ZMYND8: variants seen among roughly 807,000 people sequenced by gnomAD.
The protein encoded by ZMYND8 is MYND-type zinc finger-containing chromatin reader ZMYND8.
Under a neutral mutation model 140.8 loss-of-function variants are expected in ZMYND8, and 37 were observed. That is an observed-to-expected ratio of 0.26 (90% confidence interval 0.20 to 0.35). The LOEUF (loss-of-function observed/expected upper bound fraction) is 0.35. Ranked by LOEUF, ZMYND8 falls within the 10% of genes least tolerant of loss-of-function variation. The pLI is 1.00. For synonymous variants in ZMYND8, 592 were observed against 597.1 expected (o/e 0.99, Z 0.12); for missense variants, 1,068 against 1,570.0 (o/e 0.68, Z 5.40).
In ZMYND8 at chr20:47,298,669, G is replaced by C. The variant is rs2077804902; in HGVS notation, c.453+60C>G. 6.5e-7 allele frequency: 1 copy of C among 1,548,824 alleles called. No individual in the cohort carries two copies. Among genetic ancestry groups the C allele is most frequent in the Admixed American group, 2.0e-5 (1 of 50,684 alleles). The stretch of plus-strand genomic sequence containing the variant: ...ATTATTTGTAAATTTAAAAATAAAA[G>C]GAAGAAAGAGAAAGGAGAGGAAACG... On this transcript the variant is annotated intron_variant, in intron 4 of 22. Coordinates refer to ENST00000471951, the MANE Select transcript of ZMYND8 (RefSeq NM_001281775.3). This position sits in a 1 kb window ranked among gnomAD's most constrained non-coding sequence, Gnocchi z 5.0.
At chr20:47,278,349 A>C (rs1277101389) in intron 10 of ZMYND8, among the ~76,000 whole-genome samples, 28 of 152,216 alleles carry the variant, frequency 1.8e-4, no homozygotes, top group Admixed American at 1.8e-3. Flanking sequence ...TGGGGAGCAA[A>C]GGGGACTTTG....
chr20:47,318,531 T>G (rs1481635759), intron 2 of ZMYND8: 2 of 357,306 alleles, frequency 5.6e-6, no homozygotes, highest in Admixed American at 7.7e-5. Context: ...GGAGCAAAGG[T>G]TGGGGGTGGG....
chr20:47,355,285 TCAAA>T (rs1264920228), intron 1 of ZMYND8, among the ~76,000 whole-genome samples: 1 of 152,192 alleles, frequency 6.6e-6, no homozygotes, highest in African/African-American at 2.4e-5. Flanking sequence ...AACAGTGGAT[TCAAA>T]CAGTCACCTA....
At chr20:47,323,949 C>T (rs901837643) in intron 2 of ZMYND8, among the ~76,000 whole-genome samples, 3 of 152,128 alleles carry the variant, frequency 2.0e-5, no homozygotes, top group Admixed American at 2.0e-4. Context: ...GCCTGTAATC[C>T]CAGCACTTTG....
At chr20:47,313,419 G>C (rs6012154) in intron 2 of ZMYND8, among the ~76,000 whole-genome samples, 34 of 150,966 alleles carry the variant, frequency 2.3e-4, no homozygotes, top group African/African-American at 6.8e-4. Context: ...TCAGGAGATC[G>C]AGACCATCCT....
At chr20:47,318,646 G>T (rs1208589353) in intron 2 of ZMYND8, 4 of 432,112 alleles carry the variant, frequency 9.3e-6, no homozygotes, top group South Asian at 6.5e-5. Flanking sequence ...AACGCTGACC[G>T]TCTCTTAGAC....
chr20:47,251,019 CTTTTTTTTTT>C (rs922263446), intron 12 of ZMYND8, among the ~76,000 whole-genome samples: 2 of 138,564 alleles, frequency 1.4e-5, no homozygotes, highest in African/African-American at 5.8e-5. Context: ...CAGAGCAAGA[CTTTTTTTTTT>C]TGAAGGAAAA....
intron 17 of ZMYND8, among the ~76,000 whole-genome samples, chr20:47,229,130 C>A (rs182744465): frequency 1.3e-5 from 2 of 151,250 alleles, no homozygotes; most frequent in East Asian, 3.9e-4. Context: ...TACAGGAACA[C>A]ACCACCATCT....
At chr20:47,293,737 C>G (rs1224280090) in intron 5 of ZMYND8, among the ~76,000 whole-genome samples, 5 of 152,176 alleles carry the variant, frequency 3.3e-5, no homozygotes, top group Non-Finnish European at 5.9e-5. Flanking sequence ...CAATCCCCCT[C>G]AACGTTTTAC....
intron 8 of ZMYND8, among the ~76,000 whole-genome samples, chr20:47,284,470 A>G (rs2076801438): frequency 6.6e-6 from 1 of 152,190 alleles, no homozygotes; most frequent in Non-Finnish European, 1.5e-5. Context: ...TCCAGCCCTA[A>G]GTGTCAGCAG....
At chr20:47,256,545 A>G (rs1191176095) in intron 12 of ZMYND8, among the ~76,000 whole-genome samples, 2 of 152,196 alleles carry the variant, frequency 1.3e-5, no homozygotes, top group Non-Finnish European at 2.9e-5. Context: ...GTGTGAACCC[A>G]GGAGGCGGAG....
rs770320881 is a variant in ZMYND8, at chr20:47,221,438, T to C, written c.3293A>G (p.Asn1098Ser). The change falls in exon 20 of 23, where the codon AAC becomes AGC. Residue 1098 changes from asparagine (N) to serine (S), a missense_variant. Around this residue, in one of 10 missense-constraint regions of ZMYND8, gnomAD observed 180 missense variants for 187.8 expected, o/e 0.96. Coordinates refer to ENST00000471951, the MANE Select transcript of ZMYND8 (RefSeq NM_001281775.3). ...GGAGGACTTATTTAGTGTTTCTGTG[T>C]TCACCTCAGCATCCGCTTCCTGCTG... ...APQQEADAEV[N>S]TETLNKSSQG... 2 of 1,614,166 alleles carry C rather than the reference T, an allele frequency of 1.2e-6. No homozygotes were observed. Among genetic ancestry groups the C allele is most frequent in the Admixed American group, 1.7e-5 (1 of 60,016 alleles).
chr20:47,246,910 G>A (rs956164892), intron 13 of ZMYND8, among the ~76,000 whole-genome samples: 2 of 152,138 alleles, frequency 1.3e-5, no homozygotes, highest in African/African-American at 4.8e-5. Context: ...AGAGGCCCAG[G>A]GATATCACCT....
Position 47,287,552 on chromosome 20 carries a change from C to G in ZMYND8, c.749-268G>C, listed in dbSNP as rs546972183. Among the ~76,000 whole-genome samples, 4 of 152,290 alleles carry G rather than the reference C, an allele frequency of 2.6e-5. No individual in the cohort carries two copies. In the East Asian group the frequency reaches 5.8e-4, roughly 22 times the overall value. ...TCCCTAGAGATCATGGATTAATATTCTTAAAATGCTTTGACATTCTAAAGG... is the reference window on the plus strand; with the variant it reads ...TCCCTAGAGATCATGGATTAATATTGTTAAAATGCTTTGACATTCTAAAGG... On this transcript the variant is annotated intron_variant, in intron 7 of 22. Coordinates refer to ENST00000471951, the MANE Select transcript of ZMYND8 (RefSeq NM_001281775.3).
chr20:47,340,927 T>C (rs2081823238), intron 2 of ZMYND8, among the ~76,000 whole-genome samples: 1 of 152,084 alleles, frequency 6.6e-6, no homozygotes, highest in Non-Finnish European at 1.5e-5. Flanking sequence ...ATGCTGGAAA[T>C]GTTTAATTAT....
At chr20:47,336,681 G>A (rs1192995147) in intron 2 of ZMYND8, among the ~76,000 whole-genome samples, 4 of 152,202 alleles carry the variant, frequency 2.6e-5, no homozygotes, top group African/African-American at 7.2e-5. Context: ...GACAGCCCTC[G>A]GCTTCTTCTG....
intron 17 of ZMYND8, among the ~76,000 whole-genome samples, chr20:47,228,315 G>A (rs971091945): frequency 2.0e-5 from 3 of 152,134 alleles, no homozygotes; most frequent in Non-Finnish European, 4.4e-5. Flanking sequence ...TCAAACGTCA[G>A]TATAGCTAAG....
chr20:47,232,345 G>C (rs1390323451), intron 16 of ZMYND8, among the ~76,000 whole-genome samples: 2 of 150,886 alleles, frequency 1.3e-5, no homozygotes, highest in African/African-American at 2.5e-5. Flanking sequence ...CTGCACTCCA[G>C]CTAAGAGTGA....
At chr20:47,340,101 C>A (rs1392372089) in intron 2 of ZMYND8, among the ~76,000 whole-genome samples, 1 of 152,100 alleles carries the variant, frequency 6.6e-6, no homozygotes, top group Admixed American at 6.5e-5. Flanking sequence ...TGCCACCACA[C>A]CCAGCTAATT....
Sources: allele counts gnomAD v4.1 joint callset (sites outside exome capture counted in the v4.1 genomes callset), GRCh38; gene constraint gnomAD v4.1.1; regional missense constraint gnomAD v4.1.1; non-coding constraint Gnocchi (gnomAD v3.1); transcripts MANE v1.5; gene names NCBI Gene and HGNC (gene_info 2026-07-23, HGNC 2026-07-21).